The following GAREM1 variants were observed in gnomAD, a reference collection of about 807,000 sequenced individuals.
GAREM1 encodes GRB2-associated and regulator of MAPK protein 1.
In GAREM1, 26 loss-of-function variants were observed where a neutral mutation model predicts 71.3. That is an observed-to-expected ratio of 0.36 (90% confidence interval 0.27 to 0.51). The LOEUF is 0.51. GAREM1 is among the 20% of genes least tolerant of loss of function. GAREM1 has a pLI of 0.95. For missense variants in GAREM1, 1,026 were observed against 1,103.1 expected (o/e 0.93, Z 0.99); for synonymous variants, 440 against 433.2 (o/e 1.02, Z -0.20).
intron 4 of GAREM1, among the ~76,000 whole-genome samples, chr18:32,278,327 G>A (rs535935350): frequency 4.6e-5 from 7 of 152,170 alleles, no homozygotes; most frequent in Middle Eastern, 3.2e-3. Context: ...TGGCAGGGGC[G>A]TGGGGGAGAG....
intron 1 of GAREM1, among the ~76,000 whole-genome samples, chr18:32,395,699 G>A (rs895847995): frequency 2.6e-5 from 4 of 152,140 alleles, no homozygotes; most frequent in African/African-American, 4.8e-5. Context: ...TGAGTGCTAC[G>A]CAAGAGGAAT....
At chr18:32,417,813 A>T (rs79463932) in intron 1 of GAREM1, among the ~76,000 whole-genome samples, 3,756 of 152,278 alleles carry the variant, frequency 0.025, 80 homozygotes, top group African/African-American at 0.058. Flanking sequence ...TTTATAGAAC[A>T]ACAGGGGGAC....
chr18:32,456,580 G>A (rs1458863), intron 1 of GAREM1, among the ~76,000 whole-genome samples: 61,501 of 151,866 alleles, frequency 0.4, 13,756 homozygotes, highest in African/African-American at 0.59. Context: ...GGGATGCAAC[G>A]CAATCACTTT....
intron 2 of GAREM1, among the ~76,000 whole-genome samples, chr18:32,315,185 C>A (rs1330539671): frequency 6.6e-6 from 1 of 151,860 alleles, no homozygotes; most frequent in South Asian, 2.1e-4. Flanking sequence ...AATGTACTCA[C>A]AGGCCAAGGA....
At chr18:32,301,463 TA>T (rs1220108497) in intron 3 of GAREM1, among the ~76,000 whole-genome samples, 1 of 152,206 alleles carries the variant, frequency 6.6e-6, no homozygotes, top group Non-Finnish European at 1.5e-5. Flanking sequence ...GGTCTAAATT[TA>T]AAATACAGCC....
At chr18:32,356,134 A>G (rs1049775400) in intron 2 of GAREM1, among the ~76,000 whole-genome samples, 8 of 152,224 alleles carry the variant, frequency 5.3e-5, no homozygotes, top group African/African-American at 1.9e-4. Flanking sequence ...GGAATGAATC[A>G]CCATGAAGCA....
intron 4 of GAREM1, among the ~76,000 whole-genome samples, chr18:32,279,134 C>T (rs186465843): frequency 6.6e-6 from 1 of 152,304 alleles, no homozygotes; most frequent in East Asian, 1.9e-4. Flanking sequence ...GATAAATATA[C>T]TTAAGTAGTG....
In GAREM1 at chr18:32,438,973, T is replaced by C. The variant is rs1057292589; in HGVS notation, c.121+31335A>G. Among the ~76,000 whole-genome samples the C allele has an allele frequency of 5.3e-5, 8 of 152,316 alleles. No individual in the cohort carries two copies. The East Asian group carries it at 1.5e-3, about 29-fold the overall frequency. ...TCCTCCCATGAGTAACAGTGGCTCA[T>C]TTCAGTAAGGACTCTGGTGGTAAGG... On this transcript the variant is annotated intron_variant, in intron 1 of 5. Coordinates refer to ENST00000269209, the MANE Select transcript of GAREM1 (RefSeq NM_001242409.2).
intron 4 of GAREM1, among the ~76,000 whole-genome samples, chr18:32,271,290 T>A (rs1259714118): frequency 6.6e-6 from 1 of 152,094 alleles, no homozygotes; most frequent in African/African-American, 2.4e-5. Flanking sequence ...CTTCCCGAGT[T>A]CAAGCAATTC....
At chr18:32,458,596 A>G (rs1485008962) in intron 1 of GAREM1, among the ~76,000 whole-genome samples, 3 of 152,042 alleles carry the variant, frequency 2.0e-5, no homozygotes, top group Non-Finnish European at 2.9e-5. Flanking sequence ...TAAACATCCC[A>G]TAAAAAACTA....
chr18:32,417,780 G>C (rs1005344334), intron 1 of GAREM1, among the ~76,000 whole-genome samples: 1 of 152,014 alleles, frequency 6.6e-6, no homozygotes, highest in African/African-American at 2.4e-5. Context: ...CACAAAAAAA[G>C]TAAAAAAGAA....
At chr18:32,291,500 ATTT>A (rs552845525) in intron 3 of GAREM1, among the ~76,000 whole-genome samples, 3 of 149,958 alleles carry the variant, frequency 2.0e-5, no homozygotes, top group African/African-American at 4.9e-5. Context: ...GTCAACAAGA[ATTT>A]TTTTTTTATT....
At chr18:32,406,186 A>G (rs2048363995) in intron 1 of GAREM1, among the ~76,000 whole-genome samples, 1 of 152,078 alleles carries the variant, frequency 6.6e-6, no homozygotes, top group African/African-American at 2.4e-5. Flanking sequence ...GCATCTTCAA[A>G]CATTATTTTT....
At chr18:32,405,098 C>T (rs2048353416) in intron 1 of GAREM1, among the ~76,000 whole-genome samples, 1 of 152,114 alleles carries the variant, frequency 6.6e-6, no homozygotes, top group African/African-American at 2.4e-5. Flanking sequence ...AATAGTGTGG[C>T]ATAATTTTAA....
At chr18:32,380,383 G>A (rs1212265820) in intron 2 of GAREM1, among the ~76,000 whole-genome samples, 1 of 150,942 alleles carries the variant, frequency 6.6e-6, no homozygotes, top group African/African-American at 2.4e-5. Flanking sequence ...GGCTGAGGTG[G>A]GATAATTGCT....
chr18:32,335,300 C>G (rs922747399), intron 2 of GAREM1, among the ~76,000 whole-genome samples: 1 of 152,192 alleles, frequency 6.6e-6, no homozygotes, highest in Non-Finnish European at 1.5e-5. Flanking sequence ...GTAATTCACC[C>G]TCCTCTTTTC....
At chr18:32,450,423 TA>T (rs376452094) in intron 1 of GAREM1, among the ~76,000 whole-genome samples, 19 of 148,826 alleles carry the variant, frequency 1.3e-4, no homozygotes, top group South Asian at 1.3e-3. Flanking sequence ...AATAAGCTGC[TA>T]AAAAAAAAAC....
chr18:32,283,501 C>T (rs1598928197), intron 4 of GAREM1, among the ~76,000 whole-genome samples: 1 of 151,980 alleles, frequency 6.6e-6, no homozygotes, highest in Non-Finnish European at 1.5e-5. Context: ...GAGCCAAGAT[C>T]GTGCACTGCA....
intron 4 of GAREM1, among the ~76,000 whole-genome samples, chr18:32,279,289 G>T (rs1365302118): frequency 6.6e-6 from 1 of 152,208 alleles, no homozygotes; most frequent in Non-Finnish European, 1.5e-5. Context: ...GAACCAGGCT[G>T]CACAGCAGGA....
Sources: allele counts gnomAD v4.1 joint callset (sites outside exome capture counted in the v4.1 genomes callset), GRCh38; gene constraint gnomAD v4.1.1; transcripts MANE v1.5; gene names NCBI Gene and HGNC (gene_info 2026-07-23, HGNC 2026-07-21).